Variants in EFR3B observed in about 807,000 individuals in gnomAD.
The protein encoded by EFR3B is protein EFR3 homolog B.
A neutral mutation model predicts 104.7 loss-of-function variants in EFR3B; 64 were observed. That is an observed-to-expected ratio of 0.61 (90% CI 0.50 to 0.75). The LOEUF (loss-of-function observed/expected upper bound fraction) is 0.75. Among genes scored for constraint, EFR3B ranks in the 30% least tolerant of loss-of-function variants. The probability of loss-of-function intolerance (pLI) is 0.00; values close to 1 mark genes in which losing one functional copy is unlikely to be tolerated. For synonymous variants in EFR3B, 385 were observed against 417.9 expected (o/e 0.92, Z 0.96); for missense variants, 750 against 1,078.5 (o/e 0.70, Z 4.27).
In EFR3B at chr2:25,069,350, C is replaced by A. The variant is rs149225632; in HGVS notation, c.8-21975C>A. 9.7e-3 allele frequency among the ~76,000 whole-genome samples: 1,481 copies of A among 152,264 alleles called. 12 individuals carry two copies. Among genetic ancestry groups the A allele is most frequent in the Non-Finnish European group, 0.015 (1,007 of 68,010 alleles). On this transcript the variant is annotated intron_variant, in intron 1 of 22. Transcript: ENST00000403714. ...ATCTTGTCTGATGCTTTTTTCCCCT[C>A]TTCCTGATTTCAAACCATGCTAAAA...
intron 1 of EFR3B, among the ~76,000 whole-genome samples, chr2:25,073,843 A>G (rs1356633824): frequency 1.3e-5 from 2 of 151,976 alleles, no homozygotes; most frequent in Admixed American, 1.3e-4. Context: ...CTCTGCCTCA[A>G]TTCTTCCTCC....
intron 12 of EFR3B, among the ~76,000 whole-genome samples, chr2:25,134,468 C>T (rs1363898464): frequency 1.3e-5 from 2 of 152,176 alleles, no homozygotes; most frequent in African/African-American, 4.8e-5. Context: ...CTGTGCCCGG[C>T]CTCAGTTTAT....
chr2:25,049,407 A>G (rs1024903897), intron 1 of EFR3B, among the ~76,000 whole-genome samples: 3 of 152,236 alleles, frequency 2.0e-5, no homozygotes, highest in Non-Finnish European at 4.4e-5. Context: ...GCAGCTATGT[A>G]TGATACTACA....
chr2:25,097,496 T>A (rs1412683267), intron 3 of EFR3B, among the ~76,000 whole-genome samples: 3 of 152,156 alleles, frequency 2.0e-5, no homozygotes, highest in Non-Finnish European at 4.4e-5. Context: ...ACATGAACCT[T>A]GGATGCTGGA....
chr2:25,082,498 A>C (rs956776082), intron 1 of EFR3B, among the ~76,000 whole-genome samples: 2 of 152,200 alleles, frequency 1.3e-5, no homozygotes, highest in Non-Finnish European at 2.9e-5. Flanking sequence ...CTGTTCTATA[A>C]CAGGAACTTT....
intron 4 of EFR3B, among the ~76,000 whole-genome samples, chr2:25,118,726 CAAAAAAAAAAAAAAAAAA>C (rs869026900): frequency 3.0e-5 from 1 of 33,542 alleles, no homozygotes; most frequent in African/African-American, 1.3e-4. Flanking sequence ...CCTGTCTCTA[CAAAAAAAAAAAAAAAAAA>C]AAAAAAAAAA....
intron 3 of EFR3B, among the ~76,000 whole-genome samples, chr2:25,102,268 T>C (rs547008912): frequency 2.6e-5 from 4 of 152,216 alleles, no homozygotes; most frequent in Non-Finnish European, 4.4e-5. Flanking sequence ...CCCTCTTTTT[T>C]GCTTCTCCTG....
At position 25,135,650 on chromosome 2, in the gene EFR3B, G is replaced by A; in HGVS notation, c.1484+11G>A. On this transcript the variant is annotated intron_variant, in intron 13 of 22. Transcript: ENST00000403714. ...GTTCTCTACCATCAGGTGAACTTGG[G>A]GTGTCTCCTCCAGGCAATGCAAGAT... 2 of 1,551,944 alleles carry A rather than the reference G, an allele frequency of 1.3e-6. No homozygotes were observed. The highest frequency in any genetic ancestry group is 1.2e-5 in the South Asian group (1 of 84,052).
chr2:25,091,488 C>T (rs1304951976), intron 2 of EFR3B, 87 bp downstream of exon 2: 19 of 1,271,132 alleles, frequency 1.5e-5, no homozygotes, highest in Non-Finnish European at 4.3e-6. Context: ...GGCCTCCTGC[C>T]GGGTGGGGAA....
chr2:25,144,641 A>G (rs1670764704), intron 18 of EFR3B, among the ~76,000 whole-genome samples: 1 of 152,208 alleles, frequency 6.6e-6, no homozygotes, highest in Admixed American at 6.5e-5. Context: ...TGCTTCATGA[A>G]GAGCTACTGG....
chr2:25,109,257 G>C (rs1362427162), intron 4 of EFR3B, among the ~76,000 whole-genome samples: 1 of 150,892 alleles, frequency 6.6e-6, no homozygotes, highest in Non-Finnish European at 1.5e-5. Flanking sequence ...AGAAGCACAT[G>C]AAAAGATCCT....
Position 25,152,813 on chromosome 2 carries a change from AGTGT to A in EFR3B, c.2298+820_2298+823del, listed in dbSNP as rs60834744. On this transcript the variant is annotated intron_variant, in intron 21 of 22. Coordinates refer to ENST00000403714, the MANE Select transcript of EFR3B (RefSeq NM_014971.2). Reference sequence around the variant, plus strand: ...ATTTTATATATAATATTCATATAGAAGTGTGTGTGTGTGTGTGTGTGTGTGTGTG... The same window carrying A: ...ATTTTATATATAATATTCATATAGAAGTGTGTGTGTGTGTGTGTGTGTGTG... Among the ~76,000 whole-genome samples the A allele has an allele frequency of 4.9e-3, 696 of 141,436 alleles. 6 individuals carry two copies. Among genetic ancestry groups the A allele is most frequent in the African/African-American group, 0.016 (641 of 40,574 alleles). The allele number at this position is 141,436 out of a possible 152,430, so 92.8% of individuals were successfully genotyped here. A position where few individuals can be genotyped will look rare whatever the true frequency, so the allele number is the denominator to read the frequency against.
rs187583906 is a variant in EFR3B at position 25,076,077 on chromosome 2, G to T, written c.8-15248G>T. Among the ~76,000 whole-genome samples, 167 of 151,178 alleles carry T rather than the reference G, an allele frequency of 1.1e-3. 1 individual carries two copies. The highest frequency in any genetic ancestry group is 1.5e-3 in the South Asian group (7 of 4,810). ...CTGGCTGATTTTATTTTTATGTTTA[G>T]AGATGAGGTCTCACTTTGTTGCCCT... On this transcript the variant is annotated intron_variant, in intron 1 of 22. Coordinates refer to ENST00000403714, the MANE Select transcript of EFR3B (RefSeq NM_014971.2).
rs893896496 is a variant in EFR3B at position 25,131,476 on chromosome 2, G to A, written c.958G>A (p.Ala320Thr). The A allele has an allele frequency of 1.3e-6, 2 of 1,549,938 alleles. No homozygotes were observed. Among genetic ancestry groups the A allele is most frequent in the African/African-American group, 1.4e-5 (1 of 73,062 alleles). ...AGIVEVLSEA[A>T]VIAATGSVGP... ...CATCGTGGAAGTCTTGTCGGAAGCC[G>A]CGGTCATCGCTGCCACCGGCTCTGT... Residue 320 changes from alanine to threonine, a missense_variant, in exon 9 of 23, where the codon GCG becomes ACG. Transcript: ENST00000403714. This position sits in a 1 kb window ranked among gnomAD's most constrained non-coding sequence, Gnocchi z 7.6.
chr2:25,102,872 C>T (rs1682423139), intron 3 of EFR3B, among the ~76,000 whole-genome samples: 2 of 152,154 alleles, frequency 1.3e-5, no homozygotes, highest in Non-Finnish European at 2.9e-5. Flanking sequence ...ATTCTGTGTC[C>T]ATCTTGTCTG....
intron 1 of EFR3B, among the ~76,000 whole-genome samples, chr2:25,047,159 G>GA (rs1331713621): frequency 1.3e-5 from 2 of 152,094 alleles, no homozygotes; most frequent in Admixed American, 6.5e-5. Context: ...AAAGAGTGGA[G>GA]AAAAAAATCA....
At chr2:25,141,317 T>C (rs1465262503) in intron 16 of EFR3B, 49 bp from the exon 17 acceptor site, 1 of 1,540,152 alleles carries the variant, frequency 6.5e-7, no homozygotes, top group Non-Finnish European at 8.8e-7. Flanking sequence ...GCCTGTGAGC[T>C]CCCTCTCCCT....
intron 16 of EFR3B, 126 bp from the exon 17 acceptor site, chr2:25,141,240 A>AGGACACTGTGCTGAGGAGGCTGT (rs1434759489): frequency 3.1e-6 from 3 of 965,010 alleles, no homozygotes; most frequent in Non-Finnish European, 4.5e-6. Flanking sequence ...AGCTCAGCTG[A>AGGACACTGTGCTGAGGAGGCTGT]GGACACTGTG....
intron 1 of EFR3B, among the ~76,000 whole-genome samples, chr2:25,049,984 G>T (rs1322629398): frequency 1.3e-5 from 2 of 149,390 alleles, no homozygotes; most frequent in Non-Finnish European, 3.0e-5. Context: ...TAGAAAATTA[G>T]CCAGGGGTGG....
Sources: gnomAD v4.1 joint callset for allele counts (sites outside exome capture counted in the v4.1 genomes callset) on GRCh38, gnomAD v4.1.1 for gene constraint, Gnocchi (gnomAD v3.1) non-coding constraint, MANE v1.5 for transcripts, NCBI Gene and HGNC (gene_info 2026-07-23, HGNC 2026-07-21) for gene names.